Variants in TMOD3 observed in about 807,000 individuals in gnomAD.
TMOD3 encodes tropomodulin-3.
Under a neutral mutation model 39.2 loss-of-function variants are expected in TMOD3, and 20 were observed. The observed-to-expected ratio is 0.51, with a 90% CI of 0.36 to 0.74. The LOEUF (loss-of-function observed/expected upper bound fraction) is 0.74, where lower values mean the gene tolerates loss of function less well. TMOD3 is among the 30% of genes least tolerant of loss of function. TMOD3 has a pLI of 0.00. For synonymous variants in TMOD3, 143 were observed against 145.8 expected (o/e 0.98, Z 0.14); for missense variants, 381 against 412.8 (o/e 0.92, Z 0.67).
chr15:51,896,152 A>G lies in TMOD3; in HGVS notation c.628-267A>G, dbSNP rs373294866. On this transcript the variant is annotated intron_variant, in intron 6 of 9. Coordinates refer to ENST00000308580, the MANE Select transcript of TMOD3 (RefSeq NM_014547.5). ...AAAGGAATAATGAAAGGTGAGAATA[A>G]TGAGAATTTTTTTTAACCTAAATGC... Among the ~76,000 whole-genome samples, 7 of 152,224 alleles carry G rather than the reference A, an allele frequency of 4.6e-5. No homozygotes were observed. In the East Asian group the frequency reaches 9.6e-4, roughly 21 times the overall value.
In TMOD3 at chr15:51,830,152, C is replaced by G. The variant is rs539349698; in HGVS notation, c.-75+316C>G. Among the ~76,000 whole-genome samples, 159 of 152,244 alleles carry G rather than the reference C, an allele frequency of 1.0e-3. 1 individual carries two copies. Among genetic ancestry groups the G allele is most frequent in the Non-Finnish European group, 1.6e-3 (111 of 67,992 alleles). ...CCCTCCCCTCCCGCTGAGCCGCGGCCGAGCTGGCTCCCTGCACCCTACCCA... is the reference window on the plus strand; with the variant it reads ...CCCTCCCCTCCCGCTGAGCCGCGGCGGAGCTGGCTCCCTGCACCCTACCCA... On this transcript the variant is annotated intron_variant, in intron 1 of 9. Coordinates refer to ENST00000308580, the MANE Select transcript of TMOD3 (RefSeq NM_014547.5).
At chr15:51,851,427 T>G (rs2554354) in intron 1 of TMOD3, among the ~76,000 whole-genome samples, 101,257 of 152,170 alleles carry the variant, frequency 0.67, 34,973 homozygotes, top group East Asian at 1. Context: ...TTAACAAAAA[T>G]ACATGTTCTT....
chr15:51,871,966 C>G lies in TMOD3; in HGVS notation c.283+2593C>G, dbSNP rs939185141. Among the ~76,000 whole-genome samples, 3 of 152,198 alleles carry G rather than the reference C, an allele frequency of 2.0e-5. No homozygotes were observed. The East Asian group carries it at 5.8e-4, about 29-fold the overall frequency. On this transcript the variant is annotated intron_variant, in intron 3 of 9. Transcript: ENST00000308580. ...TATTAAATATTGTTTATGGGCAGCT[C>G]TGATGCAGTGATTAAGATGATAGCT...
chr15:51,846,002 A>C (rs1481064337), intron 1 of TMOD3, among the ~76,000 whole-genome samples: 1 of 151,940 alleles, frequency 6.6e-6, no homozygotes, highest in Non-Finnish European at 1.5e-5. Context: ...AAGACTGAAG[A>C]TTTTTCCATT....
At chr15:51,895,742 C>T (rs529914083) in intron 6 of TMOD3, among the ~76,000 whole-genome samples, 1 of 152,168 alleles carries the variant, frequency 6.6e-6, no homozygotes, top group African/African-American at 2.4e-5. Flanking sequence ...CCTCAGGAAT[C>T]GTACTCATCA....
intron 1 of TMOD3, among the ~76,000 whole-genome samples, chr15:51,838,006 CA>C (rs2056294802): frequency 6.6e-6 from 1 of 152,124 alleles, no homozygotes; most frequent in South Asian, 2.1e-4. Context: ...AGAAAGAGTG[CA>C]AAAGGACATT....
At chr15:51,830,692 G>C (rs2056250489) in intron 1 of TMOD3, among the ~76,000 whole-genome samples, 1 of 152,070 alleles carries the variant, frequency 6.6e-6, no homozygotes, top group Non-Finnish European at 1.5e-5. Flanking sequence ...AGCCTCCCTT[G>C]GTTTGTAACA....
chr15:51,841,447 C>A (rs2056312261), intron 1 of TMOD3, among the ~76,000 whole-genome samples: 1 of 152,106 alleles, frequency 6.6e-6, no homozygotes, highest in Admixed American at 6.5e-5. Context: ...GCATTATTTT[C>A]TTTTACTTGT....
chr15:51,859,305 T>C, intron 1 of TMOD3: 1 of 728,460 alleles, frequency 1.4e-6, no homozygotes, highest in Non-Finnish European at 2.6e-6. Flanking sequence ...ACCAAGGGGG[T>C]GGTTCAATGG....
chr15:51,891,244 C>CTTTT (rs56932356), intron 5 of TMOD3, among the ~76,000 whole-genome samples: 1 of 130,262 alleles, frequency 7.7e-6, no homozygotes, highest in Non-Finnish European at 1.6e-5. Context: ...AACCTCTTTC[C>CTTTT]TTTTTTTTTT....
At chr15:51,853,097 T>C (rs2056370534) in intron 1 of TMOD3, among the ~76,000 whole-genome samples, 1 of 152,180 alleles carries the variant, frequency 6.6e-6, no homozygotes, top group African/African-American at 2.4e-5. Flanking sequence ...TATTAATATC[T>C]AGTGAGGAAA....
intron 2 of TMOD3, among the ~76,000 whole-genome samples, chr15:51,867,910 C>T (rs1413507745): frequency 2.0e-5 from 3 of 152,226 alleles, no homozygotes; most frequent in African/African-American, 4.8e-5. Context: ...TCACCTTCCA[C>T]TGCACCTCCC....
At chr15:51,881,229 C>T (rs2056531946) in intron 3 of TMOD3, among the ~76,000 whole-genome samples, 1 of 152,146 alleles carries the variant, frequency 6.6e-6, no homozygotes, top group African/African-American at 2.4e-5. Context: ...ACCACCATGC[C>T]CAGCTATACA....
intron 1 of TMOD3, among the ~76,000 whole-genome samples, chr15:51,845,671 C>T (rs982283066): frequency 1.8e-4 from 28 of 152,184 alleles, no homozygotes; most frequent in African/African-American, 5.8e-4. Flanking sequence ...GTGGGAGAAT[C>T]GCTTGAGCCC....
chr15:51,869,569 T>G (rs1298584446), intron 3 of TMOD3, among the ~76,000 whole-genome samples, 196 bp downstream of exon 3: 3 of 152,236 alleles, frequency 2.0e-5, no homozygotes, highest in Admixed American at 6.5e-5. Flanking sequence ...TTCTTCTTAA[T>G]GATGTTAGTG....
At chr15:51,878,897 T>G (rs972568157) in intron 3 of TMOD3, among the ~76,000 whole-genome samples, 3 of 152,226 alleles carry the variant, frequency 2.0e-5, no homozygotes, top group African/African-American at 7.2e-5. Context: ...TCTGTAGGAA[T>G]GAAGTAACCA....
At chr15:51,888,274 T>G (rs1462465119) in intron 4 of TMOD3, among the ~76,000 whole-genome samples, 1 of 152,166 alleles carries the variant, frequency 6.6e-6, no homozygotes, top group East Asian at 1.9e-4. Context: ...TAGAAAAGTG[T>G]GATGCATGGG....
intron 3 of TMOD3, among the ~76,000 whole-genome samples, chr15:51,886,288 C>T (rs2056562781): frequency 6.6e-6 from 1 of 152,230 alleles, no homozygotes; most frequent in Non-Finnish European, 1.5e-5. Context: ...AGGCTGCAAT[C>T]TGGGCACTTT....
At chr15:51,851,875 G>A (rs185478209) in intron 1 of TMOD3, among the ~76,000 whole-genome samples, 15 of 152,190 alleles carry the variant, frequency 9.9e-5, no homozygotes, top group African/African-American at 3.6e-4. Flanking sequence ...CACCTAGATT[G>A]CAGCTATTAG....
Sources: allele counts gnomAD v4.1 joint callset (sites outside exome capture counted in the v4.1 genomes callset), GRCh38; gene constraint gnomAD v4.1.1; transcripts MANE v1.5; gene names NCBI Gene and HGNC (gene_info 2026-07-23, HGNC 2026-07-21).